Variants in MYEF2 observed in about 807,000 individuals in gnomAD.
MYEF2 encodes myelin expression factor 2, also known as myelin gene expression factor 2.
In MYEF2, 37 loss-of-function variants were observed where a neutral mutation model predicts 75.2. That is an observed-to-expected ratio of 0.49 (90% CI 0.38 to 0.65). The LOEUF is 0.65. Among genes scored for constraint, MYEF2 ranks in the 30% least tolerant of loss-of-function variants. The pLI is 0.00. For synonymous variants in MYEF2, 195 were observed against 241.6 expected (o/e 0.81, Z 1.79); for missense variants, 634 against 771.4 (o/e 0.82, Z 2.11).
At chr15:48,159,510 T>C (rs924837569) in intron 6 of MYEF2, 103 bp downstream of exon 6, 1 of 985,544 alleles carries the variant, frequency 1.0e-6, no homozygotes, top group Non-Finnish European at 1.5e-6. Flanking sequence ...TCACTTACTT[T>C]AGTTAAAAAT....
At position 48,138,989 on chromosome 15, in the gene MYEF2, A is replaced by G. The variant is rs1420088593; in HGVS notation, c.*3919T>C. On this transcript the variant is annotated 3_prime_UTR_variant, in exon 17 of 17. Transcript: ENST00000324324. Reference sequence around the variant, plus strand: ...AACAGATCCACCAAGTGTTTTCAACATGCCTGAAGCAGACTTAAAAAGAAT... The same window carrying G: ...AACAGATCCACCAAGTGTTTTCAACGTGCCTGAAGCAGACTTAAAAAGAAT... The G allele has an allele frequency of 2.5e-6, 4 of 1,612,318 alleles. No homozygotes were observed. Among genetic ancestry groups the G allele is most frequent in the African/African-American group, 2.7e-5 (2 of 74,822 alleles).
In MYEF2 at chr15:48,149,012, G is replaced by T. The variant is rs1234531370; in HGVS notation, c.1639+20C>A. 2 of 1,610,602 alleles carry T rather than the reference G, an allele frequency of 1.2e-6. No individual in the cohort carries two copies. Among genetic ancestry groups the T allele is most frequent in the Non-Finnish European group, 1.7e-6 (2 of 1,177,338 alleles). On this transcript the variant is annotated intron_variant, in intron 16 of 16. Coordinates refer to ENST00000324324, the MANE Select transcript of MYEF2 (RefSeq NM_016132.5). The surrounding 1 kb of genome is among the most constrained non-coding windows in gnomAD (Gnocchi z 4.0). The stretch of plus-strand genomic sequence containing the variant: ...CTCCATAATCAATATCAACATATCT[G>T]CAGTCATTTGCATACTTACCACACT...
intron 16 of MYEF2, among the ~76,000 whole-genome samples, chr15:48,148,480 A>T (rs2039373269): frequency 6.6e-6 from 1 of 152,012 alleles, no homozygotes; most frequent in Admixed American, 6.6e-5. Flanking sequence ...AGGGCAACCA[A>T]AATGTACCCA....
At chr15:48,148,174 T>C (rs995642105) in intron 16 of MYEF2, among the ~76,000 whole-genome samples, 1 of 152,028 alleles carries the variant, frequency 6.6e-6, no homozygotes, top group African/African-American at 2.4e-5. Flanking sequence ...TGCTATCTTA[T>C]GTAATTTCCT....
At chr15:48,172,139 T>C (rs1055378650) in intron 1 of MYEF2, among the ~76,000 whole-genome samples, 6 of 152,074 alleles carry the variant, frequency 3.9e-5, no homozygotes, top group African/African-American at 1.4e-4. Context: ...GTGGCTCACA[T>C]CTGTAATCCC....
chr15:48,150,729 T>TA (rs1231222567), intron 14 of MYEF2, among the ~76,000 whole-genome samples: 1 of 151,908 alleles, frequency 6.6e-6, no homozygotes, highest in Non-Finnish European at 1.5e-5. Flanking sequence ...TGTTTACAAA[T>TA]AAAATAAGCT....
At position 48,139,234 on chromosome 15, in the gene MYEF2, T is replaced by C; in HGVS notation, c.*3674A>G. 7.0e-7 allele frequency: 1 copy of C among 1,422,818 alleles called. No individual in the cohort carries two copies. The allele number at this position is 1,422,818 out of a possible 1,614,324, so 88.1% of individuals were successfully genotyped here. A position where few individuals can be genotyped will look rare whatever the true frequency, so the allele number is the denominator to read the frequency against. Reference sequence around the variant, plus strand: ...AATATTCATATAAGAACAAATTGCATATGTTCACTCAAAGTAGTCTAGCTA... The same window carrying C: ...AATATTCATATAAGAACAAATTGCACATGTTCACTCAAAGTAGTCTAGCTA... On this transcript the variant is annotated 3_prime_UTR_variant, in exon 17 of 17. Coordinates refer to ENST00000324324, the MANE Select transcript of MYEF2 (RefSeq NM_016132.5).
At position 48,152,374 on chromosome 15, in the gene MYEF2, C is replaced by A. The variant is rs182322018; in HGVS notation, c.1088-90G>T. ...ATGCATTATAGCAAAATAGATACCA[C>A]TGGTATAACCACAATGAAACACTAG... is the stretch of plus-strand genomic sequence containing the variant. On this transcript the variant is annotated intron_variant, in intron 10 of 16. Transcript: ENST00000324324. 6.3e-4 allele frequency: 668 copies of A among 1,063,210 alleles called. 1 individual carries two copies. The highest frequency in any genetic ancestry group is 1.7e-3 in the Middle Eastern group (7 of 4,046). 65.9% of individuals were successfully genotyped at this position (1,063,210 alleles called of 1,614,324 possible).
chr15:48,166,201 A>C, intron 3 of MYEF2, 73 bp from the exon 4 acceptor site: 1 of 1,211,440 alleles, frequency 8.3e-7, no homozygotes, highest in Non-Finnish European at 1.2e-6. Flanking sequence ...GTTAATAATC[A>C]GTTCTAACAT....
intron 1 of MYEF2, among the ~76,000 whole-genome samples, chr15:48,172,370 T>C (rs1712893428): frequency 6.6e-6 from 1 of 150,748 alleles, no homozygotes; most frequent in African/African-American, 2.4e-5. Context: ...ATTGCACATT[T>C]TTTTTTTGAT....
intron 1 of MYEF2, among the ~76,000 whole-genome samples, chr15:48,176,237 A>AT (rs979863362): frequency 6.6e-6 from 1 of 151,280 alleles, no homozygotes; most frequent in African/African-American, 2.4e-5. Context: ...AAAAAAAAAA[A>AT]AAAAAGGACT....
At position 48,138,312 on chromosome 15, in the gene MYEF2, C is replaced by A. The variant is rs1175769618; in HGVS notation, c.*4596G>T. 1.3e-5 allele frequency: 2 copies of A among 151,824 alleles called. No homozygotes were observed. Among genetic ancestry groups the A allele is most frequent in the South Asian group, 4.2e-4 (2 of 4,814 alleles). 9.4% of individuals were successfully genotyped at this position (151,824 alleles called of 1,614,324 possible). A position where few individuals can be genotyped will look rare whatever the true frequency, so the allele number is the denominator to read the frequency against. ...TTTTTATCCAATATATTATCATTATCCTTCTACTAAATTAAATTGAATAAA... is the reference window on the plus strand; with the variant it reads ...TTTTTATCCAATATATTATCATTATACTTCTACTAAATTAAATTGAATAAA... On this transcript the variant is annotated 3_prime_UTR_variant, in exon 17 of 17. Transcript: ENST00000324324.
In MYEF2 at chr15:48,153,774, G is replaced by T; in HGVS notation, c.1087+18C>A. 6.3e-7 allele frequency: 1 copy of T among 1,598,678 alleles called. No homozygotes were observed. Among genetic ancestry groups the T allele is most frequent in the Middle Eastern group, 1.7e-4 (1 of 6,028 alleles). ...ATATGTATCATTTAAAAAGAAAAGA[G>T]GAAGTTAGAATACTCACCACCTGGA... On this transcript the variant is annotated intron_variant, in intron 10 of 16. Coordinates refer to ENST00000324324, the MANE Select transcript of MYEF2 (RefSeq NM_016132.5).
At position 48,138,515 on chromosome 15, in the gene MYEF2, A is replaced by G; in HGVS notation, c.*4393T>C. 1 of 152,892 alleles carries G rather than the reference A, an allele frequency of 6.5e-6. No individual in the cohort carries two copies. The highest frequency in any genetic ancestry group is 1.9e-4 in the East Asian group (1 of 5,212). 9.5% of individuals were successfully genotyped at this position (152,892 alleles called of 1,614,324 possible). On this transcript the variant is annotated 3_prime_UTR_variant, in exon 17 of 17. Transcript: ENST00000324324. ...TGCGACTTAATAAAAAAATTATGCTATGATTATTTTATATTCTTTAAGTAT... is the reference window on the plus strand; with the variant it reads ...TGCGACTTAATAAAAAAATTATGCTGTGATTATTTTATATTCTTTAAGTAT...
In MYEF2 at chr15:48,139,120, T is replaced by C. The variant is rs747046622; in HGVS notation, c.*3788A>G. ...ACTTTGTGATAACCTTTTTCATGTC[T>C]GCAATATGGATATCCGCATTTACAT... On this transcript the variant is annotated 3_prime_UTR_variant, in exon 17 of 17. Transcript: ENST00000324324. The C allele has an allele frequency of 6.2e-7, 1 of 1,613,162 alleles. No homozygotes were observed. Among genetic ancestry groups the C allele is most frequent in the South Asian group, 1.1e-5 (1 of 91,042 alleles).
At chr15:48,166,955 A>G (rs1183041194) in intron 3 of MYEF2, among the ~76,000 whole-genome samples, 2 of 152,192 alleles carry the variant, frequency 1.3e-5, no homozygotes, top group Non-Finnish European at 1.5e-5. Context: ...ACTTTTCAGT[A>G]AAATTTCAAA....
In MYEF2 at chr15:48,151,135, C is replaced by T. The variant is rs771458292; in HGVS notation, c.1343G>A (p.Gly448Glu). The change falls in exon 14 of 17, where the codon GGA (glycine) becomes GAA (glutamate). Residue 448 changes from glycine to glutamate, a missense_variant. Transcript: ENST00000324324. The part of the protein sequence containing the change: ...AMIGGFAGRI[G>E]SSNMGPVGSG... ...TCCTACTGGACCCATGTTAGAAGATCCTATTCTTCCTGCAAACCCTCCAAT... is the reference window on the plus strand; with the variant it reads ...TCCTACTGGACCCATGTTAGAAGATTCTATTCTTCCTGCAAACCCTCCAAT... 1.9e-6 allele frequency: 3 copies of T among 1,610,934 alleles called. No homozygotes were observed. The South Asian group carries it at 3.3e-5, about 18-fold the overall frequency.
rs752531764 is a variant in MYEF2, at chr15:48,149,275, C to A, written c.1475G>T (p.Gly492Val). Residue 492 changes from glycine (G) to valine (V), a missense_variant, in exon 15 of 17, where the codon GGA (glycine) becomes GTA (valine). Coordinates refer to ENST00000324324, the MANE Select transcript of MYEF2 (RefSeq NM_016132.5). This position sits in a 1 kb window ranked among gnomAD's most constrained non-coding sequence, Gnocchi z 4.0. ...SSFDRMGPGI[G>V]AILERSIDMD... ...ATCGATGCTCCTTTCCAGTATAGCT[C>A]CTATACCTGGTCCCATTCTATCAAA... 6.8e-6 allele frequency: 11 copies of A among 1,613,326 alleles called. No individual in the cohort carries two copies. Among genetic ancestry groups the A allele is most frequent in the Non-Finnish European group, 9.3e-6 (11 of 1,179,500 alleles).
chr15:48,171,835 T>C (rs1352994513), intron 1 of MYEF2, among the ~76,000 whole-genome samples: 1 of 152,166 alleles, frequency 6.6e-6, no homozygotes, highest in African/African-American at 2.4e-5. Flanking sequence ...TCCCAAACTG[T>C]TCATTTAGAC....
Sources: gnomAD v4.1 joint callset for allele counts (sites outside exome capture counted in the v4.1 genomes callset) on GRCh38, gnomAD v4.1.1 for gene constraint, Gnocchi (gnomAD v3.1) non-coding constraint, MANE v1.5 for transcripts, NCBI Gene and HGNC (gene_info 2026-07-23, HGNC 2026-07-21) for gene names.